Variants in CSMD1 observed in about 807,000 individuals in gnomAD.
CSMD1 encodes the protein CUB and sushi domain-containing protein 1.
Under a neutral mutation model 417.5 loss-of-function variants are expected in CSMD1, and 213 were observed. The observed-to-expected ratio is 0.51, with a 90% CI of 0.46 to 0.57. The LOEUF (loss-of-function observed/expected upper bound fraction) is 0.57. CSMD1 is among the 20% of genes least tolerant of loss of function. CSMD1 has a pLI of 0.00. For synonymous variants in CSMD1, 2,862 were observed against 1,736.8 expected, an observed-to-expected ratio of 1.65 and a Z score of -16.11; for missense variants, 6,923 against 4,529.7, an observed-to-expected ratio of 1.53 and a Z score of -15.17.
chr8:4,360,144 C>T (rs573607509), intron 3 of CSMD1, among the ~76,000 whole-genome samples: 3 of 152,234 alleles, frequency 2.0e-5, no homozygotes, highest in African/African-American at 7.2e-5. Context: ...TGAGGATGAT[C>T]TGAGAGGATG....
chr8:4,337,156 T>C (rs1384111927), intron 3 of CSMD1, among the ~76,000 whole-genome samples: 2 of 152,132 alleles, frequency 1.3e-5, no homozygotes, highest in Non-Finnish European at 2.9e-5. Flanking sequence ...CCTTCATTAC[T>C]ACTCTATCTA....
At chr8:4,453,372 C>A (rs1799268203) in intron 2 of CSMD1, among the ~76,000 whole-genome samples, 1 of 152,160 alleles carries the variant, frequency 6.6e-6, no homozygotes. Context: ...TTGGGGGTCT[C>A]CTGGGCACAG....
chr8:3,767,532 C>T (rs1798344689), intron 5 of CSMD1, among the ~76,000 whole-genome samples: 1 of 152,218 alleles, frequency 6.6e-6, no homozygotes, highest in Non-Finnish European at 1.5e-5. Context: ...CTCTGATCCT[C>T]ACTTTATCCC....
At chr8:4,951,553 G>C (rs1808748942) in intron 1 of CSMD1, among the ~76,000 whole-genome samples, 1 of 146,634 alleles carries the variant, frequency 6.8e-6, no homozygotes, top group East Asian at 2.0e-4. Flanking sequence ...AAAGAAAAAA[G>C]GAAAAGAGAA....
At chr8:3,670,488 CGTATATATATCCCATAT>C (rs1798933824) in intron 7 of CSMD1, among the ~76,000 whole-genome samples, 1 of 138,736 alleles carries the variant, frequency 7.2e-6, no homozygotes, top group African/African-American at 2.6e-5. Flanking sequence ...ATATATATCC[CGTATATATATCCCATAT>C]ATATATATAT....
chr8:3,114,639 G>C (rs1480742031), intron 42 of CSMD1, among the ~76,000 whole-genome samples: 1 of 151,960 alleles, frequency 6.6e-6, no homozygotes, highest in Non-Finnish European at 1.5e-5. Flanking sequence ...TTGCCGGTTG[G>C]TAATGGAGAT....
At chr8:3,556,535 C>A (rs1471277198) in intron 10 of CSMD1, among the ~76,000 whole-genome samples, 3 of 148,886 alleles carry the variant, frequency 2.0e-5, no homozygotes, top group Non-Finnish European at 4.4e-5. Context: ...CACACACACA[C>A]ACACACACAC....
At chr8:4,124,123 AG>A (rs1563154149) in intron 3 of CSMD1, among the ~76,000 whole-genome samples, 1 of 152,206 alleles carries the variant, frequency 6.6e-6, no homozygotes, top group Admixed American at 6.5e-5. Flanking sequence ...ATTTTCTGCA[AG>A]AAGTCAAGTG....
At chr8:3,140,273 C>T (rs981967892) in intron 41 of CSMD1, among the ~76,000 whole-genome samples, 14 of 152,118 alleles carry the variant, frequency 9.2e-5, no homozygotes, top group African/African-American at 3.4e-4. Flanking sequence ...AATAGATGCA[C>T]AGGCAAGCAG....
In CSMD1 at chr8:4,173,587, G is replaced by A. The variant is rs991076464; in HGVS notation, c.416-141488C>T. On this transcript the variant is annotated intron_variant, in intron 3 of 69. Coordinates refer to ENST00000635120, the MANE Select transcript of CSMD1 (RefSeq NM_033225.6). ...ATCAAATGATGTAACAATATGATTC[G>A]CTGGGTTTAAAAGTTATTAGATACA... Among the ~76,000 whole-genome samples, 8 of 152,168 alleles carry A rather than the reference G, an allele frequency of 5.3e-5. No individual in the cohort carries two copies. In the South Asian group the frequency reaches 6.2e-4, roughly 12 times the overall value.
At chr8:3,895,740 A>G (rs1218061633) in intron 5 of CSMD1, among the ~76,000 whole-genome samples, 1 of 152,176 alleles carries the variant, frequency 6.6e-6, no homozygotes, top group Non-Finnish European at 1.5e-5. Context: ...TCACTTATTT[A>G]TTCATTCCTA....
chr8:3,579,931 C>G (rs961928231), intron 9 of CSMD1, among the ~76,000 whole-genome samples: 1 of 152,032 alleles, frequency 6.6e-6, no homozygotes, highest in African/African-American at 2.4e-5. Context: ...TGGTGAAACC[C>G]TGTCTCTACG....
At chr8:4,772,777 C>A (rs552929850) in intron 1 of CSMD1, among the ~76,000 whole-genome samples, 1 of 152,278 alleles carries the variant, frequency 6.6e-6, no homozygotes, top group South Asian at 2.1e-4. Context: ...ACAGATCAGT[C>A]TTCCAGGGCT....
chr8:4,603,939 A>G (rs763979789), intron 2 of CSMD1, among the ~76,000 whole-genome samples: 1 of 152,166 alleles, frequency 6.6e-6, no homozygotes, highest in Non-Finnish European at 1.5e-5. Flanking sequence ...GTAAATGATC[A>G]CTAATGTACA....
At chr8:3,560,212 T>G (rs1442117198) in intron 10 of CSMD1, among the ~76,000 whole-genome samples, 1 of 152,044 alleles carries the variant, frequency 6.6e-6, no homozygotes, top group Non-Finnish European at 1.5e-5. Flanking sequence ...AAATTCAAGG[T>G]CCAAAGAAGA....
At chr8:3,834,490 C>T (rs562072483) in intron 5 of CSMD1, among the ~76,000 whole-genome samples, 2 of 152,326 alleles carry the variant, frequency 1.3e-5, no homozygotes, top group African/African-American at 2.4e-5. Flanking sequence ...AGGTCAGTAC[C>T]TCGGTACTTA....
intron 10 of CSMD1, among the ~76,000 whole-genome samples, chr8:3,560,429 G>A (rs932178758): frequency 1.3e-5 from 2 of 152,050 alleles, no homozygotes; most frequent in East Asian, 3.9e-4. Context: ...CTGCAAAATG[G>A]GCAAAGTCAA....
intron 3 of CSMD1, among the ~76,000 whole-genome samples, chr8:4,375,492 C>T (rs948147249): frequency 6.6e-6 from 1 of 152,110 alleles, no homozygotes; most frequent in Non-Finnish European, 1.5e-5. Context: ...ATGGAGTCTC[C>T]TTGATGGGCA....
chr8:4,765,837 G>T (rs989691097), intron 1 of CSMD1, among the ~76,000 whole-genome samples: 1 of 152,146 alleles, frequency 6.6e-6, no homozygotes, highest in African/African-American at 2.4e-5. Context: ...GTTAGAGAGA[G>T]CTTAGTAACT....
Sources: gnomAD v4.1 joint callset for allele counts (sites outside exome capture counted in the v4.1 genomes callset) on GRCh38, gnomAD v4.1.1 for gene constraint, MANE v1.5 for transcripts, NCBI Gene and HGNC (gene_info 2026-07-23, HGNC 2026-07-21) for gene names.